FZR1: variants seen among roughly 807,000 people sequenced by gnomAD.
FZR1 encodes the protein fizzy and cell division cycle 20 related 1.
FZR1 carries 11 observed loss-of-function variants against 63.6 expected under a neutral mutation model. The observed-to-expected ratio is 0.17, with a 90% confidence interval of 0.11 to 0.29. FZR1 has a LOEUF of 0.29. Ranked by LOEUF, FZR1 falls within the 10% of genes least tolerant of loss-of-function variation. The probability of loss-of-function intolerance (pLI) is 1.00; values close to 1 mark genes in which losing one functional copy is unlikely to be tolerated. For missense variants in FZR1, 440 were observed against 687.5 expected (o/e 0.64, Z 4.03); for synonymous variants, 328 against 297.9 (o/e 1.10, Z -1.04).
rs771167751 is a variant in FZR1, at chr19:3,525,957, C to T, written c.159C>T (p.Ala53=). 7.4e-6 allele frequency: 12 copies of T among 1,612,308 alleles called. No individual in the cohort carries two copies. Among genetic ancestry groups the T allele is most frequent in the South Asian group, 5.5e-5 (5 of 91,060 alleles). Residue 53 remains alanine (A), a synonymous_variant, in exon 3 of 14, where the codon GCC becomes GCT. Coordinates refer to ENST00000441788, the MANE Select transcript of FZR1 (RefSeq NM_016263.4). The surrounding 1 kb of genome is among the most constrained non-coding windows in gnomAD (Gnocchi z 4.2). The part of the protein sequence containing the change: ...KHGDRFIPSR[A]GANWSVNFHR... ...GAGACCGCTTCATCCCCTCCAGAGC[C>T]GGAGCCAACTGGAGCGTGAACTTCC...
chr19:3,509,090 A>C (rs932614152), intron 1 of FZR1, among the ~76,000 whole-genome samples: 1 of 151,864 alleles, frequency 6.6e-6, no homozygotes, highest in African/African-American at 2.4e-5. Context: ...CTGCTCGTCA[A>C]CTCCGCTTGT....
At chr19:3,532,234 C>T in intron 10 of FZR1, 139 bp downstream of exon 10, 2 of 956,864 alleles carry the variant, frequency 2.1e-6, no homozygotes, top group Non-Finnish European at 3.0e-6. Flanking sequence ...CAGGCTTGTC[C>T]TTCCTGCTCA....
intron 1 of FZR1, among the ~76,000 whole-genome samples, chr19:3,513,523 G>A (rs2083038131): frequency 6.6e-6 from 1 of 152,202 alleles, no homozygotes; most frequent in Non-Finnish European, 1.5e-5. Flanking sequence ...GCTGTCCCAG[G>A]CCCCAAGATG....
intron 1 of FZR1, among the ~76,000 whole-genome samples, chr19:3,520,614 C>T (rs1287127850): frequency 6.6e-6 from 1 of 152,224 alleles, no homozygotes; most frequent in Non-Finnish European, 1.5e-5. Flanking sequence ...GCCTGACTGG[C>T]CCCATGTGGC....
At chr19:3,528,146 GAGA>G (rs1159240388) in intron 7 of FZR1, among the ~76,000 whole-genome samples, 7 of 152,346 alleles carry the variant, frequency 4.6e-5, no homozygotes, top group Non-Finnish European at 1.0e-4. Context: ...CAGCTCTATA[GAGA>G]AGAAGAGACA....
intron 10 of FZR1, 115 bp downstream of exon 10, chr19:3,532,210 C>A: frequency 9.6e-7 from 1 of 1,042,726 alleles, no homozygotes; most frequent in South Asian, 1.7e-5. Context: ...ACTCCACAGC[C>A]ATCAGCAGGG....
chr19:3,534,833 G>A lies in FZR1; in HGVS notation c.1479G>A (p.Arg493=), dbSNP rs780104701. 12 of 1,612,482 alleles carry A rather than the reference G, an allele frequency of 7.4e-6. No homozygotes were observed. The highest frequency in any genetic ancestry group is 4.4e-5 in the South Asian group (4 of 91,078). Residue 493 remains arginine, a synonymous_variant, in exon 14 of 14, where the codon CGG becomes CGA. Coordinates refer to ENST00000441788, the MANE Select transcript of FZR1 (RefSeq NM_016263.4). ...TGCTCAACCTCTTCACCAGGATCCG[G>A]TAAACCTGCCGGGCAGGACCGTGCC... ...VSVLNLFTRI[R]
chr19:3,533,539 C>T lies in FZR1; in HGVS notation c.1347+141C>T. 1 of 619,212 alleles carries T rather than the reference C, an allele frequency of 1.6e-6. No homozygotes were observed. The highest frequency in any genetic ancestry group is 1.9e-5 in the South Asian group (1 of 53,552). The allele number at this position is 619,212 out of a possible 1,614,324, so 38.4% of individuals were successfully genotyped here. On this transcript the variant is annotated intron_variant, in intron 12 of 13. Transcript: ENST00000441788. The surrounding 1 kb of genome is among the most constrained non-coding windows in gnomAD (Gnocchi z 4.9). ...CGTGGGACCCAGCAGCAGGGGCCGG[C>T]AGGGCATCTGGTGCTGGTTGTGTTG...
At chr19:3,524,225 G>A (rs943668548) in intron 2 of FZR1, among the ~76,000 whole-genome samples, 16 of 152,214 alleles carry the variant, frequency 1.1e-4, no homozygotes, top group African/African-American at 3.9e-4. Flanking sequence ...CAGGAGGACA[G>A]TGGGAGCCTG....
In FZR1 at chr19:3,526,636, CCA is replaced by C. The variant is rs560780880; in HGVS notation, c.387+254_387+255del. Among the ~76,000 whole-genome samples, 443 of 152,320 alleles carry C rather than the reference CCA, an allele frequency of 2.9e-3. 2 individuals carry two copies. The highest frequency in any genetic ancestry group is 0.01 in the African/African-American group (421 of 41,576). On this transcript the variant is annotated intron_variant, in intron 5 of 13. Coordinates refer to ENST00000441788, the MANE Select transcript of FZR1 (RefSeq NM_016263.4). The surrounding 1 kb of genome is among the most constrained non-coding windows in gnomAD (Gnocchi z 5.4). ...GCTCAGCCTGTTGGGCTTTTTCTCCCCACACCAATGCTACCTGGGGTCCCGAA... is the reference window on the plus strand; with the variant it reads ...GCTCAGCCTGTTGGGCTTTTTCTCCCCACCAATGCTACCTGGGGTCCCGAA...
At chr19:3,534,629 C>T in intron 13 of FZR1, 116 bp downstream of exon 13, 1 of 901,936 alleles carries the variant, frequency 1.1e-6, no homozygotes, top group South Asian at 1.4e-5. Flanking sequence ...TCCGAGCTTC[C>T]CTCACCTCAA....
intron 12 of FZR1, 36 bp from the exon 13 acceptor site, chr19:3,534,385 G>C (rs1377162716): frequency 8.3e-7 from 1 of 1,208,340 alleles, no homozygotes; most frequent in South Asian, 1.3e-5. Context: ...GCACCTAGAG[G>C]CCCAGAGACA....
chr19:3,532,347 C>A lies in FZR1; in HGVS notation c.1009-70C>A, dbSNP rs1284715225. ...GGTGGGGTGCCAGGGCAGGTCGTCA[C>A]ACCTGTGAGGACCGGCCTATGGGAC... On this transcript the variant is annotated intron_variant, in intron 10 of 13. Transcript: ENST00000441788. 5 of 1,277,300 alleles carry A rather than the reference C, an allele frequency of 3.9e-6. No individual in the cohort carries two copies. In the African/African-American group the frequency reaches 6.0e-5, roughly 15 times the overall value. 79.1% of individuals were successfully genotyped at this position (1,277,300 alleles called of 1,614,324 possible).
chr19:3,535,101 C>T lies in FZR1; in HGVS notation c.*265C>T, dbSNP rs141353647. 1,019 of 542,688 alleles carry T rather than the reference C, an allele frequency of 1.9e-3. 1 individual carries two copies. The highest frequency in any genetic ancestry group is 2.2e-3 in the Non-Finnish European group (671 of 301,132). 33.6% of individuals were successfully genotyped at this position (542,688 alleles called of 1,614,324 possible). Reference sequence around the variant, plus strand: ...CCCAAAGGGCGAGAACCACATTGGACGGTCCCGGCTCAGACCGTCTGTACT... The same window carrying T: ...CCCAAAGGGCGAGAACCACATTGGATGGTCCCGGCTCAGACCGTCTGTACT... On this transcript the variant is annotated 3_prime_UTR_variant, in exon 14 of 14. Coordinates refer to ENST00000441788, the MANE Select transcript of FZR1 (RefSeq NM_016263.4).
chr19:3,512,383 C>T (rs1171564681), intron 1 of FZR1, among the ~76,000 whole-genome samples: 2 of 152,216 alleles, frequency 1.3e-5, no homozygotes, highest in African/African-American at 4.8e-5. Flanking sequence ...GCTTCCTAGG[C>T]AGGCAGTGTT....
chr19:3,525,917 C>T lies in FZR1; in HGVS notation c.119C>T (p.Ser40Leu). ...ACGCCTGCCAGCTCCCCAGTGTCCT[C>T]GCCCAGCAAGCACGGAGACCGCTTC... ...TLTPASSPVS[S>L]PSKHGDRFIP... Residue 40 changes from serine to leucine, a missense_variant, in exon 3 of 14, where the codon TCG (serine) becomes TTG (leucine). Coordinates refer to ENST00000441788, the MANE Select transcript of FZR1 (RefSeq NM_016263.4). This position sits in a 1 kb window ranked among gnomAD's most constrained non-coding sequence, Gnocchi z 4.2. The T allele has an allele frequency of 6.2e-7, 1 of 1,612,464 alleles. No individual in the cohort carries two copies. Among genetic ancestry groups the T allele is most frequent in the Non-Finnish European group, 8.5e-7 (1 of 1,179,922 alleles).
chr19:3,532,716 C>G, intron 11 of FZR1, 66 bp downstream of exon 11: 1 of 1,095,008 alleles, frequency 9.1e-7, no homozygotes, highest in Non-Finnish European at 1.4e-6. Context: ...CCCTTACCTG[C>G]CACCTGAGAG....
intron 1 of FZR1, among the ~76,000 whole-genome samples, chr19:3,509,874 C>T (rs1203900273): frequency 2.0e-5 from 3 of 152,132 alleles, no homozygotes; most frequent in South Asian, 2.1e-4. Context: ...GTGCTGTTTC[C>T]AGTGTCTGCC....
chr19:3,518,398 A>G (rs1178643794), intron 1 of FZR1, among the ~76,000 whole-genome samples: 13 of 152,142 alleles, frequency 8.5e-5, no homozygotes, highest in Admixed American at 8.5e-4. Flanking sequence ...TTGCATTACA[A>G]AGTTTTTCCA....
Sources: gnomAD v4.1 joint callset for allele counts (sites outside exome capture counted in the v4.1 genomes callset) on GRCh38, gnomAD v4.1.1 for gene constraint, Gnocchi (gnomAD v3.1) non-coding constraint, MANE v1.5 for transcripts, NCBI Gene and HGNC (gene_info 2026-07-23, HGNC 2026-07-21) for gene names.